Variants in SAR1B observed in about 807,000 individuals in gnomAD.
SAR1B encodes the protein secretion associated Ras related GTPase 1B.
A neutral mutation model predicts 26.8 loss-of-function variants in SAR1B; 23 were observed. The ratio of observed to expected loss-of-function variants is 0.86; its 90% CI spans 0.62 to 1.22. The LOEUF (loss-of-function observed/expected upper bound fraction) is 1.22, where lower values mean the gene tolerates loss of function less well. SAR1B is among the 50% of genes most tolerant of loss of function. The pLI, the probability that SAR1B is intolerant of heterozygous loss-of-function variation, is 0.00. For synonymous variants in SAR1B, 65 were observed against 80.8 expected, an observed-to-expected ratio of 0.80 and a Z score of 1.05; for missense variants, 196 against 232.8, an observed-to-expected ratio of 0.84 and a Z score of 1.03.
In SAR1B at chr5:134,612,683, A is replaced by AAAAAAAAAAAC; in HGVS notation, c.244+7_244+8insGTTTTTTTTTT. ...AAAAAAAAAAAAAAAAAAAAAAAAG[A>AAAAAAAAAAAC]ATCTTACCTTGAACATGTCCACCCA... On this transcript the variant is annotated splice_region_variant and intron_variant, in intron 4 of 6. Coordinates refer to ENST00000402673, the MANE Select transcript of SAR1B (RefSeq NM_016103.4). 1.9e-6 allele frequency: 2 copies of AAAAAAAAAAAC among 1,055,246 alleles called. No individual in the cohort carries two copies. Among genetic ancestry groups the AAAAAAAAAAAC allele is most frequent in the Non-Finnish European group, 1.3e-6 (1 of 756,328 alleles). The allele number at this position is 1,055,246 out of a possible 1,614,324, so 65.4% of individuals were successfully genotyped here. A position where few individuals can be genotyped will look rare whatever the true frequency, so the allele number is the denominator to read the frequency against.
At chr5:134,619,119 C>A (rs1415585932) in intron 3 of SAR1B, among the ~76,000 whole-genome samples, 1 of 151,568 alleles carries the variant, frequency 6.6e-6, no homozygotes, top group Non-Finnish European at 1.5e-5. Context: ...CATCTGAGGT[C>A]GGGAGTTTGA....
chr5:134,608,646 T>A, intron 5 of SAR1B, 143 bp from the exon 6 acceptor site: 1 of 884,972 alleles, frequency 1.1e-6, no homozygotes, highest in Non-Finnish European at 1.8e-6. Context: ...CCCCACATTT[T>A]AAAGTGACCT....
In SAR1B at chr5:134,605,728, G is replaced by A. The variant is rs543057779; in HGVS notation, c.*1222C>T. ...GTTGTATGGAGTAAGAACTACCTGA[G>A]AGCAAATAAGAAAAAAGAAAATTGG... On this transcript the variant is annotated 3_prime_UTR_variant, in exon 7 of 7. Coordinates refer to ENST00000402673, the MANE Select transcript of SAR1B (RefSeq NM_016103.4). 4.8e-5 allele frequency: 7 copies of A among 147,288 alleles called. No homozygotes were observed. The highest frequency in any genetic ancestry group is 2.2e-4 in the South Asian group (1 of 4,620). 9.1% of individuals were successfully genotyped at this position (147,288 alleles called of 1,614,324 possible).
chr5:134,625,690 C>T (rs1168670635), intron 1 of SAR1B: 2 of 152,162 alleles, frequency 1.3e-5, no homozygotes, highest in Non-Finnish European at 2.9e-5. Flanking sequence ...CTGGCTCTGG[C>T]ATGGACGATA....
At chr5:134,627,368 CAG>C (rs1480498281) in intron 1 of SAR1B, among the ~76,000 whole-genome samples, 13 of 150,862 alleles carry the variant, frequency 8.6e-5, no homozygotes, top group African/African-American at 2.2e-4. Context: ...ATTTTTTTGA[CAG>C]AGTCTCCCTC....
chr5:134,631,109 T>C (rs1330898065), intron 1 of SAR1B, among the ~76,000 whole-genome samples: 1 of 151,744 alleles, frequency 6.6e-6, no homozygotes. Flanking sequence ...CTTGCTATGT[T>C]GCCCAGGCTG....
intron 3 of SAR1B, among the ~76,000 whole-genome samples, chr5:134,617,011 G>C (rs1411509303): frequency 6.6e-6 from 1 of 152,032 alleles, no homozygotes; most frequent in Non-Finnish European, 1.5e-5. Context: ...TGGGAGGATC[G>C]CTTGAGCCCA....
At chr5:134,626,128 A>G (rs1765488772) in intron 1 of SAR1B, among the ~76,000 whole-genome samples, 1 of 151,698 alleles carries the variant, frequency 6.6e-6, no homozygotes, top group South Asian at 2.1e-4. Flanking sequence ...GCAAAACCCC[A>G]TCTCTACTAA....
intron 3 of SAR1B, among the ~76,000 whole-genome samples, chr5:134,617,577 T>C (rs1765334668): frequency 6.6e-6 from 1 of 152,208 alleles, no homozygotes; most frequent in African/African-American, 2.4e-5. Flanking sequence ...TTTGAATAAA[T>C]GAAATAGAGC....
At chr5:134,617,613 T>C (rs945093529) in intron 3 of SAR1B, among the ~76,000 whole-genome samples, 1 of 152,226 alleles carries the variant, frequency 6.6e-6, no homozygotes, top group Non-Finnish European at 1.5e-5. Flanking sequence ...AAAAATGACT[T>C]ACACCTAATA....
intron 2 of SAR1B, among the ~76,000 whole-genome samples, chr5:134,622,003 C>T (rs1315152728): frequency 1.3e-5 from 2 of 152,162 alleles, no homozygotes; most frequent in African/African-American, 4.8e-5. Flanking sequence ...GGATTATCAG[C>T]GTGAGCCACA....
intron 2 of SAR1B, among the ~76,000 whole-genome samples, 184 bp from the exon 3 acceptor site, chr5:134,621,236 G>A (rs925716951): frequency 7.9e-5 from 12 of 152,156 alleles, no homozygotes; most frequent in Admixed American, 2.6e-4. Flanking sequence ...TTGGGAGGCC[G>A]AGGTGGGCGG....
chr5:134,613,721 G>T (rs559431177), intron 3 of SAR1B: 2 of 152,194 alleles, frequency 1.3e-5, no homozygotes, highest in Admixed American at 6.5e-5. Context: ...TTTCTCTTAT[G>T]GCTGACATAA....
intron 2 of SAR1B, among the ~76,000 whole-genome samples, chr5:134,623,305 T>C (rs1580654993): frequency 6.6e-6 from 1 of 151,478 alleles, no homozygotes. Flanking sequence ...GCTGGTGTGG[T>C]GGCACACACC....
intron 2 of SAR1B, 52 bp from the exon 3 acceptor site, chr5:134,621,104 C>T: frequency 5.7e-6 from 9 of 1,587,314 alleles, no homozygotes; most frequent in African/African-American, 2.7e-5. Context: ...ACTAATTATC[C>T]AAATGAATTT....
In SAR1B at chr5:134,605,745, G is replaced by T. The variant is rs985340242; in HGVS notation, c.*1205C>A. The T allele has an allele frequency of 1.4e-5, 2 of 145,928 alleles. No individual in the cohort carries two copies. The highest frequency in any genetic ancestry group is 5.1e-5 in the African/African-American group (2 of 39,462). The allele number at this position is 145,928 out of a possible 1,614,324, so 9.0% of individuals were successfully genotyped here. A position where few individuals can be genotyped will look rare whatever the true frequency, so the allele number is the denominator to read the frequency against. ...CTACCTGAGAGCAAATAAGAAAAAA[G>T]AAAATTGGAAACAAGCACTTGTTTT... On this transcript the variant is annotated 3_prime_UTR_variant, in exon 7 of 7. Transcript: ENST00000402673.
chr5:134,610,566 CAAAAAAAAAAA>C (rs55682339), intron 4 of SAR1B, among the ~76,000 whole-genome samples: 1 of 39,026 alleles, frequency 2.6e-5, no homozygotes, highest in Non-Finnish European at 4.3e-5. Context: ...GACTCCGTCT[CAAAAAAAAAAA>C]AAAAAAAAAA....
At chr5:134,632,247 A>AGTTTTCT in intron 1 of SAR1B, 1 of 152,100 alleles carries the variant, frequency 6.6e-6, no homozygotes, top group South Asian at 2.1e-4. Flanking sequence ...AAATCAGTAC[A>AGTTTTCT]GTTTTCTCAA....
At chr5:134,621,630 G>A (rs1765410027) in intron 2 of SAR1B, among the ~76,000 whole-genome samples, 1 of 152,030 alleles carries the variant, frequency 6.6e-6, no homozygotes, top group Admixed American at 6.6e-5. Context: ...AATTTTAGAA[G>A]TATCAATCAG....
Sources: gnomAD v4.1 joint callset for allele counts (sites outside exome capture counted in the v4.1 genomes callset) on GRCh38, gnomAD v4.1.1 for gene constraint, MANE v1.5 for transcripts, NCBI Gene and HGNC (gene_info 2026-07-23, HGNC 2026-07-21) for gene names.